The following FRYL variants were observed in gnomAD, a reference collection of about 807,000 sequenced individuals.
FRYL encodes protein furry homolog-like.
In FRYL, 150 loss-of-function variants were observed where a neutral mutation model predicts 351.2. The observed-to-expected ratio is 0.43, with a 90% CI of 0.37 to 0.49. The LOEUF is 0.49. Ranked by LOEUF, FRYL falls within the 20% of genes least tolerant of loss-of-function variation. The pLI is 0.00. For synonymous variants in FRYL, 1,153 were observed against 1,257.1 expected, an observed-to-expected ratio of 0.92 and a Z score of 1.75; for missense variants, 3,036 against 3,619.3, an observed-to-expected ratio of 0.84 and a Z score of 4.13.
chr4:48,669,946 CA>C (rs1560828400), intron 3 of FRYL, among the ~76,000 whole-genome samples: 2 of 151,456 alleles, frequency 1.3e-5, no homozygotes, highest in African/African-American at 4.9e-5. Context: ...TTTTTAAAAT[CA>C]TTTTTTACTT....
Position 48,515,241 on chromosome 4 carries a change from G to T in FRYL, c.7724C>A (p.Thr2575Lys). Residue 2575 changes from threonine (T) to lysine (K), a missense_variant, in exon 56 of 64, where the codon ACA becomes AAA. By Grantham distance (78) the Thr-to-Lys change is moderately conservative. Transcript: ENST00000358350. ...TTSVLKEEHVTTFEDEGSYII... is the reference protein window; with the variant it reads ...TTSVLKEEHVKTFEDEGSYII... Reference sequence around the variant, plus strand: ...ATAGGATCCTTCATCTTCAAAGGTTGTAACATGTTCCTCCTTTAATACTGA... The same window carrying T: ...ATAGGATCCTTCATCTTCAAAGGTTTTAACATGTTCCTCCTTTAATACTGA... The T allele has an allele frequency of 6.2e-7, 1 of 1,610,420 alleles. No homozygotes were observed. Among genetic ancestry groups the T allele is most frequent in the Non-Finnish European group, 8.5e-7 (1 of 1,176,988 alleles).
In FRYL at chr4:48,709,437, T is replaced by C. The variant is rs536871866; in HGVS notation, c.-204+1082A>G. 2.6e-5 allele frequency among the ~76,000 whole-genome samples: 4 copies of C among 152,142 alleles called. No homozygotes were observed. In the East Asian group the frequency reaches 7.7e-4, roughly 29 times the overall value. On this transcript the variant is annotated intron_variant, in intron 2 of 63. Transcript: ENST00000358350. Reference sequence around the variant, plus strand: ...TCAGTAGGAGAGAAGGATAAGAATGTGGAAAGAAAGAGAATAAAAGAAAGA... The same window carrying C: ...TCAGTAGGAGAGAAGGATAAGAATGCGGAAAGAAAGAGAATAAAAGAAAGA...
At chr4:48,709,593 C>CA (rs971707691) in intron 2 of FRYL, among the ~76,000 whole-genome samples, 5 of 151,512 alleles carry the variant, frequency 3.3e-5, no homozygotes, top group East Asian at 1.9e-4. Flanking sequence ...AACATAGCCT[C>CA]AAAAAAAACC....
At chr4:48,535,199 C>T (rs1728597731) in intron 48 of FRYL, among the ~76,000 whole-genome samples, 1 of 151,978 alleles carries the variant, frequency 6.6e-6, no homozygotes, top group Non-Finnish European at 1.5e-5. Context: ...CTTTTGTATG[C>T]TGTAATTATT....
At chr4:48,671,873 C>CAAAA (rs71191252) in intron 3 of FRYL, among the ~76,000 whole-genome samples, 11 of 51,858 alleles carry the variant, frequency 2.1e-4, no homozygotes, top group African/African-American at 2.2e-4. Context: ...AAAAAAAAAA[C>CAAAA]AAAAAAAAAA....
At chr4:48,681,423 G>A (rs1181935763) in intron 3 of FRYL, among the ~76,000 whole-genome samples, 3 of 152,104 alleles carry the variant, frequency 2.0e-5, no homozygotes, top group Admixed American at 6.6e-5. Context: ...AATATTGAGC[G>A]TCCATCTAGT....
intron 4 of FRYL, among the ~76,000 whole-genome samples, chr4:48,628,724 G>C (rs748970434): frequency 8.2e-4 from 125 of 152,052 alleles, no homozygotes; most frequent in Non-Finnish European, 1.6e-3. Flanking sequence ...TGAGATGATG[G>C]ATATGCTAAT....
At chr4:48,550,769 C>G (rs1171282308) in intron 37 of FRYL, 65 bp from the exon 38 acceptor site, 2 of 1,179,570 alleles carry the variant, frequency 1.7e-6, no homozygotes, top group Non-Finnish European at 2.5e-6. Context: ...CTTTATGTTT[C>G]ACTTTCTCTG....
At position 48,549,658 on chromosome 4, in the gene FRYL, T is replaced by C; in HGVS notation, c.4634-35A>G. 1 of 1,562,078 alleles carries C rather than the reference T, an allele frequency of 6.4e-7. No homozygotes were observed. The highest frequency in any genetic ancestry group is 8.8e-7 in the Non-Finnish European group (1 of 1,141,772). ...TAAAATGATCTCATTTTCTACACCATCTAATTTCTGCCAATATAAGCAAAC... is the reference window on the plus strand; with the variant it reads ...TAAAATGATCTCATTTTCTACACCACCTAATTTCTGCCAATATAAGCAAAC... On this transcript the variant is annotated intron_variant, in intron 38 of 63. Coordinates refer to ENST00000358350, the MANE Select transcript of FRYL (RefSeq NM_015030.2). The surrounding 1 kb of genome is among the most constrained non-coding windows in gnomAD (Gnocchi z 4.2).
In FRYL at chr4:48,534,697, G is replaced by A; in HGVS notation, c.6565-12C>T. The stretch of plus-strand genomic sequence containing the variant: ...CCTTTCTCTAACAGCTAAAAATAAT[G>A]TTAAAAGTAATATTAAAGTATACTT... On this transcript the variant is annotated splice_polypyrimidine_tract_variant and intron_variant, in intron 48 of 63. Coordinates refer to ENST00000358350, the MANE Select transcript of FRYL (RefSeq NM_015030.2). 6.8e-7 allele frequency: 1 copy of A among 1,461,952 alleles called. No homozygotes were observed. The highest frequency in any genetic ancestry group is 9.4e-7 in the Non-Finnish European group (1 of 1,061,120). The allele number at this position is 1,461,952 out of a possible 1,614,324, so 90.6% of individuals were successfully genotyped here. A position where few individuals can be genotyped will look rare whatever the true frequency, so the allele number is the denominator to read the frequency against.
chr4:48,732,440 G>A (rs565103918), intron 1 of FRYL, among the ~76,000 whole-genome samples: 6 of 152,120 alleles, frequency 3.9e-5, no homozygotes, highest in Admixed American at 1.3e-4. Flanking sequence ...ATAACCAAAG[G>A]ATTATAAATC....
Position 48,683,348 on chromosome 4 carries a change from T to C in FRYL, c.-81+1325A>G, listed in dbSNP as rs560323465. Reference sequence around the variant, plus strand: ...ATGGGTTGATGGGTGCAGCAAACCATTATGGCACGTGTATACCTATGTAAC... The same window carrying C: ...ATGGGTTGATGGGTGCAGCAAACCACTATGGCACGTGTATACCTATGTAAC... On this transcript the variant is annotated intron_variant, in intron 3 of 63. Coordinates refer to ENST00000358350, the MANE Select transcript of FRYL (RefSeq NM_015030.2). 3.3e-5 allele frequency among the ~76,000 whole-genome samples: 5 copies of C among 151,764 alleles called. No individual in the cohort carries two copies. The East Asian group carries it at 9.7e-4, about 29-fold the overall frequency.
intron 3 of FRYL, among the ~76,000 whole-genome samples, chr4:48,645,122 TTTTATATATATA>T (rs1756130113): frequency 2.0e-4 from 3 of 15,030 alleles, no homozygotes; most frequent in South Asian, 4.3e-3. Context: ...TGAGCTTTCA[TTTTATATATATA>T]TATATATATA....
rs1409214691 is a variant in FRYL, at chr4:48,620,781, GA to G, written c.175-4del. ...ACTGAGCTCATAGAGCTTATCAACT[GA>G]AAACACAAGATATTACCAGAAAATA... On this transcript the variant is annotated splice_region_variant and splice_polypyrimidine_tract_variant and intron_variant, in intron 5 of 63. Transcript: ENST00000358350. 1 of 1,609,840 alleles carries G rather than the reference GA, an allele frequency of 6.2e-7. No homozygotes were observed. Among genetic ancestry groups the G allele is most frequent in the South Asian group, 1.1e-5 (1 of 90,712 alleles).
intron 41 of FRYL, 158 bp downstream of exon 41, chr4:48,547,426 T>A: frequency 2.3e-6 from 1 of 434,018 alleles, no homozygotes; most frequent in Non-Finnish European, 4.0e-6. Context: ...TCCCTTCTTT[T>A]ATTAGCAAAT....
chr4:48,759,278 G>A (rs1774160645), intron 1 of FRYL, among the ~76,000 whole-genome samples: 1 of 152,102 alleles, frequency 6.6e-6, no homozygotes, highest in Non-Finnish European at 1.5e-5. Context: ...CAAGTGAAAA[G>A]AAAATGGACA....
At chr4:48,620,613 G>C (rs780298115) in intron 6 of FRYL, 26 bp downstream of exon 6, 1 of 1,588,380 alleles carries the variant, frequency 6.3e-7, no homozygotes, top group Non-Finnish European at 8.6e-7. Context: ...AATTCCAGGT[G>C]AAACAGTGTA....
intron 3 of FRYL, among the ~76,000 whole-genome samples, chr4:48,645,282 T>C (rs998495023): frequency 9.9e-5 from 15 of 151,406 alleles, no homozygotes; most frequent in African/African-American, 3.6e-4. Context: ...GTGGAGAAGG[T>C]GTTCTTACAA....
intron 23 of FRYL, among the ~76,000 whole-genome samples, chr4:48,576,669 A>G (rs528056352): frequency 4.2e-4 from 64 of 152,288 alleles, no homozygotes; most frequent in Middle Eastern, 3.4e-3. Context: ...TTGTGGACTG[A>G]TATCAATGAA....
Sources: allele counts gnomAD v4.1 joint callset (sites outside exome capture counted in the v4.1 genomes callset), GRCh38; gene constraint gnomAD v4.1.1; non-coding constraint Gnocchi (gnomAD v3.1); transcripts MANE v1.5; gene names NCBI Gene and HGNC (gene_info 2026-07-23, HGNC 2026-07-21).